CTNNA3: variants seen among roughly 807,000 people sequenced by gnomAD.
CTNNA3 encodes the protein catenin alpha 3.
In CTNNA3, 76 loss-of-function variants were observed where a neutral mutation model predicts 95.7. The observed-to-expected ratio is 0.79, with a 90% CI of 0.66 to 0.96. The LOEUF (loss-of-function observed/expected upper bound fraction) is 0.96, where lower values mean the gene tolerates loss of function less well. Ranked by LOEUF, CTNNA3 falls within the 40% of genes least tolerant of loss-of-function variation. CTNNA3 has a pLI of 0.00. For synonymous variants in CTNNA3, 431 were observed against 374.4 expected, an observed-to-expected ratio of 1.15 and a Z score of -1.74; for missense variants, 1,191 against 1,089.8, an observed-to-expected ratio of 1.09 and a Z score of -1.31.
At chr10:67,083,098 T>C (rs1345847638) in intron 7 of CTNNA3, among the ~76,000 whole-genome samples, 1 of 152,092 alleles carries the variant, frequency 6.6e-6, no homozygotes, top group East Asian at 1.9e-4. Context: ...AGCATCCTGG[T>C]ATAAAGACCT....
rs139455023 is a variant in CTNNA3, at chr10:67,198,352, G to T, written c.844-17832C>A. Reference sequence around the variant, plus strand: ...AAAAGTTTAAGCTGTTGCCAGTCACGAAGGTCTTACTTTATCAGGTCCTTT... The same window carrying T: ...AAAAGTTTAAGCTGTTGCCAGTCACTAAGGTCTTACTTTATCAGGTCCTTT... On this transcript the variant is annotated intron_variant, in intron 6 of 17. Coordinates refer to ENST00000433211, the MANE Select transcript of CTNNA3 (RefSeq NM_013266.4). 1.6e-3 allele frequency among the ~76,000 whole-genome samples: 239 copies of T among 152,224 alleles called. 3 individuals are homozygous for T. Among genetic ancestry groups the T allele is most frequent in the African/African-American group, 5.5e-3 (230 of 41,544 alleles).
Position 66,854,879 on chromosome 10 carries a change from T to C in CTNNA3, c.1048-79355A>G, listed in dbSNP as rs531250379. On this transcript the variant is annotated intron_variant, in intron 7 of 17. Coordinates refer to ENST00000433211, the MANE Select transcript of CTNNA3 (RefSeq NM_013266.4). ...GACTCAGACAGATATAAGTTAGAAT[T>C]ATGGCCCTGGATACTGGCTGAGTAT... Among the ~76,000 whole-genome samples the C allele has an allele frequency of 1.1e-4, 16 of 151,926 alleles. No individual in the cohort carries two copies. The East Asian group carries it at 2.5e-3, about 24-fold the overall frequency.
At chr10:66,963,384 A>T (rs966431142) in intron 7 of CTNNA3, among the ~76,000 whole-genome samples, 45 of 152,328 alleles carry the variant, frequency 3.0e-4, no homozygotes, top group African/African-American at 1.1e-3. Flanking sequence ...TGATTATATG[A>T]TTAATGCATC....
At chr10:66,066,026 G>A (rs973020820) in intron 15 of CTNNA3, among the ~76,000 whole-genome samples, 2 of 151,920 alleles carry the variant, frequency 1.3e-5, no homozygotes, top group Non-Finnish European at 2.9e-5. Flanking sequence ...ACCACACACA[G>A]CTAATTTTGT....
At chr10:65,996,086 T>C (rs1394972110) in intron 15 of CTNNA3, among the ~76,000 whole-genome samples, 1 of 152,120 alleles carries the variant, frequency 6.6e-6, no homozygotes, top group Non-Finnish European at 1.5e-5. Context: ...TTTCTGGGAA[T>C]TGGGGTTATT....
chr10:67,284,533 T>TAA (rs200097818), intron 5 of CTNNA3, among the ~76,000 whole-genome samples: 1 of 151,694 alleles, frequency 6.6e-6, no homozygotes, highest in African/African-American at 2.4e-5. Flanking sequence ...AGCGAGTAAG[T>TAA]AAAAAAAAAT....
chr10:66,139,989 T>C (rs1023393152), intron 13 of CTNNA3, among the ~76,000 whole-genome samples: 23 of 152,320 alleles, frequency 1.5e-4, no homozygotes, highest in Middle Eastern at 3.4e-3. Flanking sequence ...GCCTCATTAG[T>C]GAATATGAGT....
At chr10:66,614,209 G>A (rs535974295) in intron 10 of CTNNA3, among the ~76,000 whole-genome samples, 2 of 151,988 alleles carry the variant, frequency 1.3e-5, no homozygotes, top group East Asian at 3.9e-4. Flanking sequence ...GTCATACTGG[G>A]ACTTTTTATC....
chr10:66,364,788 T>A (rs2092700068), intron 12 of CTNNA3, among the ~76,000 whole-genome samples: 1 of 152,156 alleles, frequency 6.6e-6, no homozygotes, highest in African/African-American at 2.4e-5. Context: ...GAATTTTGGT[T>A]TTCCATATTT....
At chr10:66,422,873 A>ACC (rs144120582) in intron 11 of CTNNA3, among the ~76,000 whole-genome samples, 48,211 of 151,038 alleles carry the variant, frequency 0.32, 8,109 homozygotes, top group African/African-American at 0.41. Context: ...CAAGTGATCC[A>ACC]CCTCCCTCGG....
intron 7 of CTNNA3, among the ~76,000 whole-genome samples, chr10:66,988,584 T>C (rs77574759): frequency 0.012 from 1,867 of 152,270 alleles, 38 homozygotes; most frequent in African/African-American, 0.043. Context: ...CATTATTTTA[T>C]ATAGTATTGT....
chr10:66,445,060 C>T (rs1016251394), intron 11 of CTNNA3, among the ~76,000 whole-genome samples: 1 of 151,934 alleles, frequency 6.6e-6, no homozygotes, highest in African/African-American at 2.4e-5. Context: ...CAACAAAGAT[C>T]AAAAGAGACA....
chr10:66,408,055 G>A (rs1018440433), intron 11 of CTNNA3, among the ~76,000 whole-genome samples: 1 of 152,004 alleles, frequency 6.6e-6, no homozygotes, highest in Non-Finnish European at 1.5e-5. Context: ...AATAACCTAC[G>A]TGCATCCTCA....
At chr10:66,023,577 T>C (rs747093179) in intron 15 of CTNNA3, among the ~76,000 whole-genome samples, 14 of 152,218 alleles carry the variant, frequency 9.2e-5, no homozygotes, top group Non-Finnish European at 1.5e-4. Flanking sequence ...AATTAAAGTA[T>C]GCCTATGAAT....
chr10:67,541,128 T>C (rs1840672380), intron 3 of CTNNA3, among the ~76,000 whole-genome samples: 1 of 151,962 alleles, frequency 6.6e-6, no homozygotes. Flanking sequence ...CCAGGACATA[T>C]ATCTTTACAT....
intron 2 of CTNNA3, among the ~76,000 whole-genome samples, chr10:67,623,162 A>C (rs886190662): frequency 6.6e-6 from 1 of 152,212 alleles, no homozygotes; most frequent in Non-Finnish European, 1.5e-5. Flanking sequence ...AGCATAAGTA[A>C]ATGGCATCAT....
rs992253232 is a variant in CTNNA3, at chr10:67,741,535, C to G, written c.-2+21899G>C. On this transcript the variant is annotated intron_variant, in intron 1 of 17. Transcript: ENST00000684154. The stretch of plus-strand genomic sequence containing the variant: ...TAAACATGGAAAGGAACAACTGGTA[C>G]CAGCTACTGCAAAAACATGCCAAAT... Among the ~76,000 whole-genome samples, 16 of 150,960 alleles carry G rather than the reference C, an allele frequency of 1.1e-4. 1 individual carries two copies. Among genetic ancestry groups the G allele is most frequent in the Non-Finnish European group, 2.2e-4 (15 of 67,652 alleles).
intron 13 of CTNNA3, among the ~76,000 whole-genome samples, chr10:66,156,730 T>C (rs757312082): frequency 3.3e-5 from 5 of 151,920 alleles, no homozygotes; most frequent in Admixed American, 6.6e-5. Context: ...TAGGCCTTTG[T>C]ATCCAAAGTG....
chr10:66,188,630 T>TGTGTGTGC (rs1479469096), intron 13 of CTNNA3, among the ~76,000 whole-genome samples: 1 of 150,072 alleles, frequency 6.7e-6, no homozygotes, highest in Non-Finnish European at 1.5e-5. Context: ...TGTGTGTGTG[T>TGTGTGTGC]GCCACAATTT....
Sources: allele counts gnomAD v4.1 joint callset (sites outside exome capture counted in the v4.1 genomes callset), GRCh38; gene constraint gnomAD v4.1.1; transcripts MANE v1.5; gene names NCBI Gene and HGNC (gene_info 2026-07-23, HGNC 2026-07-21).